LRRC4C: variants seen among roughly 807,000 people sequenced by gnomAD.
The protein encoded by LRRC4C is leucine rich repeat containing 4C.
Under a neutral mutation model 33.6 loss-of-function variants are expected in LRRC4C, and 5 were observed. The ratio of observed to expected loss-of-function variants is 0.15; its 90% CI spans 0.08 to 0.31. The LOEUF (loss-of-function observed/expected upper bound fraction) is 0.31. LRRC4C is among the 10% of genes least tolerant of loss of function. LRRC4C has a pLI of 1.00. For synonymous variants in LRRC4C, 329 were observed against 302.0 expected (o/e 1.09, Z -0.93); for missense variants, 560 against 796.7 (o/e 0.70, Z 3.58).
At chr11:40,668,315 A>G (rs1943921331) in intron 2 of LRRC4C, among the ~76,000 whole-genome samples, 2 of 152,214 alleles carry the variant, frequency 1.3e-5, no homozygotes. Context: ...GTTATGTTTG[A>G]TAACTGTATC....
chr11:40,683,301 A>T (rs574450451), intron 2 of LRRC4C, among the ~76,000 whole-genome samples: 5 of 152,162 alleles, frequency 3.3e-5, no homozygotes, highest in African/African-American at 9.7e-5. Flanking sequence ...CCCACATGAC[A>T]CTGTGCCATT....
At chr11:40,360,198 G>C (rs1215955370) in intron 3 of LRRC4C, among the ~76,000 whole-genome samples, 3 of 152,160 alleles carry the variant, frequency 2.0e-5, no homozygotes, top group African/African-American at 7.2e-5. Context: ...TATTCTGACT[G>C]ACCATTTGGA....
intron 3 of LRRC4C, among the ~76,000 whole-genome samples, chr11:40,583,977 A>C (rs1958590299): frequency 6.6e-6 from 1 of 151,622 alleles, no homozygotes; most frequent in South Asian, 2.1e-4. Flanking sequence ...GTTACTGACA[A>C]AACAAAAGTT....
intron 1 of LRRC4C, among the ~76,000 whole-genome samples, chr11:41,145,746 C>G (rs111564386): frequency 6.6e-6 from 1 of 152,056 alleles, no homozygotes; most frequent in African/African-American, 2.4e-5. Context: ...TCCTTGGCAC[C>G]GAGTTGGTGT....
intron 2 of LRRC4C, among the ~76,000 whole-genome samples, chr11:40,874,412 C>G (rs1260891586): frequency 6.6e-6 from 1 of 152,244 alleles, no homozygotes; most frequent in African/African-American, 2.4e-5. Flanking sequence ...AGAATCAGCC[C>G]TCTTGAGCTG....
intron 2 of LRRC4C, among the ~76,000 whole-genome samples, chr11:40,915,971 GA>G (rs1956940539): frequency 6.6e-6 from 1 of 152,156 alleles, no homozygotes; most frequent in Non-Finnish European, 1.5e-5. Context: ...TGCCATCAGA[GA>G]AATGCAAATC....
At chr11:40,987,502 T>C (rs565361598) in intron 1 of LRRC4C, among the ~76,000 whole-genome samples, 5 of 151,666 alleles carry the variant, frequency 3.3e-5, no homozygotes, top group African/African-American at 9.7e-5. Flanking sequence ...ACTGGCATGC[T>C]TCATCCAGGA....
chr11:40,997,011 G>A (rs934471330), intron 1 of LRRC4C, among the ~76,000 whole-genome samples: 7 of 152,008 alleles, frequency 4.6e-5, no homozygotes, highest in Admixed American at 1.3e-4. Context: ...TATAAAGTTC[G>A]GTGTTAGGCC....
intron 5 of LRRC4C, among the ~76,000 whole-genome samples, chr11:40,225,993 C>T (rs1189037202): frequency 6.6e-6 from 1 of 152,168 alleles, no homozygotes; most frequent in African/African-American, 2.4e-5. Context: ...TGAGAGACTA[C>T]ATAGATATGT....
chr11:41,440,019 T>C (rs60309145), intron 1 of LRRC4C, among the ~76,000 whole-genome samples: 16 of 152,356 alleles, frequency 1.1e-4, no homozygotes, highest in African/African-American at 3.8e-4. Flanking sequence ...GTTTTATTTT[T>C]GTGGCCTTTG....
chr11:40,588,995 G>T (rs1958902081), intron 3 of LRRC4C, among the ~76,000 whole-genome samples: 2 of 152,006 alleles, frequency 1.3e-5, no homozygotes, highest in Non-Finnish European at 2.9e-5. Context: ...TATTAGGTCT[G>T]CTTGGTGCAG....
At chr11:40,129,270 G>A (rs1289244986) in intron 6 of LRRC4C, among the ~76,000 whole-genome samples, 10 of 152,200 alleles carry the variant, frequency 6.6e-5, no homozygotes. Context: ...ATGTTTTCCA[G>A]TTTGTAGTTA....
At chr11:40,711,886 A>G (rs1946483161) in intron 2 of LRRC4C, among the ~76,000 whole-genome samples, 1 of 152,226 alleles carries the variant, frequency 6.6e-6, no homozygotes, top group Non-Finnish European at 1.5e-5. Flanking sequence ...CAAATTAATC[A>G]CATCAGGAAC....
intron 3 of LRRC4C, among the ~76,000 whole-genome samples, chr11:40,480,988 G>A (rs1228917014): frequency 3.3e-5 from 5 of 151,380 alleles, no homozygotes; most frequent in Non-Finnish European, 5.9e-5. Context: ...AGATGAAGAA[G>A]TTTGGGAAAT....
rs536285197 is a variant in LRRC4C, at chr11:40,299,117, T to A, written c.-176+20511A>T. Among the ~76,000 whole-genome samples the A allele has an allele frequency of 1.8e-4, 27 of 152,284 alleles. No homozygotes were observed. The South Asian group carries it at 1.9e-3, about 11-fold the overall frequency. ...TTCTCTCCCTTATGAATAACAAAGG[T>A]CCTTAGTGATTACTGGGGTTTGCTG... On this transcript the variant is annotated intron_variant, in intron 4 of 6. Transcript: ENST00000528697.
chr11:40,117,712 A>G (rs1198603538), intron 6 of LRRC4C, among the ~76,000 whole-genome samples: 2 of 150,480 alleles, frequency 1.3e-5, no homozygotes, highest in Non-Finnish European at 3.0e-5. Context: ...AAAAAAGGGG[A>G]GGGGGGCCAG....
chr11:40,348,013 C>G (rs1294698737), intron 3 of LRRC4C, among the ~76,000 whole-genome samples: 1 of 152,154 alleles, frequency 6.6e-6, no homozygotes, highest in Non-Finnish European at 1.5e-5. Flanking sequence ...AGAGATATGA[C>G]CAGTTGTTGC....
intron 3 of LRRC4C, among the ~76,000 whole-genome samples, chr11:40,325,140 GA>G (rs1315114807): frequency 2.0e-5 from 3 of 152,136 alleles, no homozygotes; most frequent in Non-Finnish European, 4.4e-5. Flanking sequence ...TGAAGAATGA[GA>G]AAGAGCCAGA....
rs773480706 is a variant in LRRC4C, at chr11:40,972,329, G to A, written c.-495-38606C>T. Among the ~76,000 whole-genome samples the A allele has an allele frequency of 1.1e-4, 17 of 152,000 alleles. No homozygotes were observed. In the South Asian group the frequency reaches 1.2e-3, roughly 11 times the overall value. On this transcript the variant is annotated intron_variant, in intron 1 of 6. Coordinates refer to ENST00000528697, the MANE Select transcript of LRRC4C (RefSeq NM_001258419.2). ...TTTTTGTATTTTTAGTAGAGATAGC[G>A]TTTCACCATGTTGGCCAGGCTGGTC...
Sources: gnomAD v4.1 joint callset for allele counts (sites outside exome capture counted in the v4.1 genomes callset) on GRCh38, gnomAD v4.1.1 for gene constraint, MANE v1.5 for transcripts, NCBI Gene and HGNC (gene_info 2026-07-23, HGNC 2026-07-21) for gene names.